Variants in MRPL39 observed in about 807,000 individuals in gnomAD.
The protein encoded by MRPL39 is mitochondrial ribosomal protein L39.
Under a neutral mutation model 44.5 loss-of-function variants are expected in MRPL39, and 35 were observed. The ratio of observed to expected loss-of-function variants is 0.79; its 90% CI spans 0.60 to 1.04. The LOEUF (loss-of-function observed/expected upper bound fraction) is 1.04. Ranked by LOEUF, MRPL39 falls within the 50% of genes least tolerant of loss-of-function variation. The pLI, the probability that MRPL39 is intolerant of heterozygous loss-of-function variation, is 0.00. For missense variants in MRPL39, 433 were observed against 413.5 expected (o/e 1.05, Z -0.41); for synonymous variants, 139 against 136.1 (o/e 1.02, Z -0.15).
intron 5 of MRPL39, among the ~76,000 whole-genome samples, 200 bp from the exon 6 acceptor site, chr21:25,597,614 G>A (rs141250335): frequency 1.2e-3 from 184 of 152,248 alleles, no homozygotes; most frequent in African/African-American, 4.3e-3. Flanking sequence ...TTATTTACCT[G>A]TAATTAAGGT....
At chr21:25,605,481 G>A (rs532428058) in intron 2 of MRPL39, among the ~76,000 whole-genome samples, 108 of 152,236 alleles carry the variant, frequency 7.1e-4, no homozygotes, top group African/African-American at 2.4e-3. Context: ...GTGGAAAGCA[G>A]ATGATAGATT....
chr21:25,587,937 A>G (rs1050434730), intron 9 of MRPL39: 6 of 646,288 alleles, frequency 9.3e-6, no homozygotes, highest in Non-Finnish European at 1.7e-5. Flanking sequence ...CAGATTACAC[A>G]GGACAGCTAT....
intron 2 of MRPL39, 74 bp from the exon 3 acceptor site, chr21:25,604,009 G>T: frequency 7.3e-7 from 1 of 1,369,252 alleles, no homozygotes; most frequent in Non-Finnish European, 1.0e-6. Context: ...GCTATATTTA[G>T]AAATATAACA....
intron 2 of MRPL39, among the ~76,000 whole-genome samples, chr21:25,604,694 T>G (rs4816257): frequency 0.081 from 12,262 of 152,220 alleles, 1,217 homozygotes; most frequent in African/African-American, 0.22. Flanking sequence ...TGTTCTGCAA[T>G]TACACAGCTA....
intron 6 of MRPL39, 47 bp from the exon 7 acceptor site, chr21:25,594,005 A>G (rs13048408): frequency 0.68 from 1,042,349 of 1,523,324 alleles, 372,947 homozygotes; most frequent in Non-Finnish European, 0.75. Context: ...CAAAATATGT[A>G]AAAAGGTGTT....
At chr21:25,596,092 G>A (rs2031347727) in intron 6 of MRPL39, among the ~76,000 whole-genome samples, 1 of 152,040 alleles carries the variant, frequency 6.6e-6, no homozygotes, top group Non-Finnish European at 1.5e-5. Context: ...TGAGTGCGAT[G>A]AGTAAAAATT....
In MRPL39 at chr21:25,603,922, C is replaced by T. The variant is rs762562232; in HGVS notation, c.294G>A (p.Trp98Ter). Residue 98 changes from tryptophan (W) to a stop codon, truncating the protein, a stop_gained, in exon 3 of 10, where the codon TGG (tryptophan) becomes TGA (stop). Transcript: ENST00000352957. LOFTEE classifies it high-confidence loss of function. ...GAGCCAGAATGGACTTCCTGCAATA[C>T]CACTCGCTTAAATCTAGAAATTTAA... ...PYSCAMHLSE[W>*]YCRKSILALV... 19 of 1,607,798 alleles carry T rather than the reference C, an allele frequency of 1.2e-5. No individual in the cohort carries two copies. The highest frequency in any genetic ancestry group is 2.2e-5 in the South Asian group (2 of 89,524).
rs1243972936 is a variant in MRPL39 at position 25,606,465 on chromosome 21, G to T, written c.264C>A (p.Pro88=). 6 of 1,609,010 alleles carry T rather than the reference G, an allele frequency of 3.7e-6. No homozygotes were observed. The highest frequency in any genetic ancestry group is 5.1e-6 in the Non-Finnish European group (6 of 1,177,380). Residue 88 remains proline (P), a synonymous_variant, in exon 2 of 10, where the codon CCC becomes CCA. Transcript: ENST00000352957. ...VFVMNKNIST[P]YSCAMHLSEW... is the part of the protein sequence containing the mutation. ...GCTACTTACGCATGGCACAACTGTAGGGAGTTGAAATGTTTTTATTCATCA... is the reference window on the plus strand; with the variant it reads ...GCTACTTACGCATGGCACAACTGTATGGAGTTGAAATGTTTTTATTCATCA...
At position 25,590,203 on chromosome 21, in the gene MRPL39, A is replaced by G. The variant is rs560934147; in HGVS notation, c.922-1321T>C. ...ATATGTTTCAGAGTTAAAAGTTGAAAGGACTTGCGGATGGATGGGCTGGGG... is the reference window on the plus strand; with the variant it reads ...ATATGTTTCAGAGTTAAAAGTTGAAGGGACTTGCGGATGGATGGGCTGGGG... On this transcript the variant is annotated intron_variant, in intron 8 of 9. Transcript: ENST00000352957. Among the ~76,000 whole-genome samples the G allele has an allele frequency of 2.0e-5, 3 of 152,314 alleles. No individual in the cohort carries two copies. In the South Asian group the frequency reaches 6.2e-4, roughly 32 times the overall value.
intron 8 of MRPL39, among the ~76,000 whole-genome samples, chr21:25,591,742 T>C (rs1465627756): frequency 6.6e-6 from 1 of 152,142 alleles, no homozygotes; most frequent in South Asian, 2.1e-4. Flanking sequence ...TGTAAAATGG[T>C]ACCGTCACTC....
intron 6 of MRPL39, among the ~76,000 whole-genome samples, chr21:25,594,748 TC>T (rs1568862406): frequency 6.6e-6 from 1 of 152,118 alleles, no homozygotes; most frequent in Non-Finnish European, 1.5e-5. Context: ...TCTACCTACC[TC>T]TTCTGACCAC....
chr21:25,598,520 T>G (rs1308505470), intron 5 of MRPL39, among the ~76,000 whole-genome samples: 1 of 151,662 alleles, frequency 6.6e-6, no homozygotes, highest in Non-Finnish European at 1.5e-5. Context: ...TGACCTCAGT[T>G]TTTACCTAAC....
intron 6 of MRPL39, among the ~76,000 whole-genome samples, chr21:25,594,864 A>C (rs1041486802): frequency 1.3e-5 from 2 of 152,124 alleles, no homozygotes; most frequent in African/African-American, 4.8e-5. Flanking sequence ...TTCCCCGCCC[A>C]AACTTGTTCT....
rs752274583 is a variant in MRPL39, at chr21:25,607,443, C to T, written c.33G>A (p.Leu11=). The change falls in exon 1 of 10, where the codon CTG becomes CTA. Residue 11 remains leucine (L), a synonymous_variant. Transcript: ENST00000352957. The part of the protein sequence containing the change: MEALAMGSRA[L]RLWLVAPGGG... ...CACCGGGTGCGACCAGCCAGAGCCG[C>T]AGCGCCCGGGAACCCATGGCCAGCG... The T allele has an allele frequency of 6.2e-7, 1 of 1,613,276 alleles. No homozygotes were observed. Among genetic ancestry groups the T allele is most frequent in the East Asian group, 2.2e-5 (1 of 44,872 alleles).
In MRPL39 at chr21:25,593,974, G is replaced by GA. The variant is rs1225205521; in HGVS notation, c.702-17dup. On this transcript the variant is annotated splice_polypyrimidine_tract_variant and intron_variant, in intron 6 of 9. Transcript: ENST00000352957. The stretch of plus-strand genomic sequence containing the variant: ...TACTTTGTACCTGAAAAGCAGCAAA[G>GA]AAAAAAACATTTTTTTAACTCAAAA... 3 of 1,606,496 alleles carry GA rather than the reference G, an allele frequency of 1.9e-6. No homozygotes were observed. The highest frequency in any genetic ancestry group is 2.6e-6 in the Non-Finnish European group (3 of 1,176,252).
chr21:25,589,018 G>C, intron 8 of MRPL39, 136 bp from the exon 9 acceptor site: 1 of 697,204 alleles, frequency 1.4e-6, no homozygotes, highest in South Asian at 2.3e-5. Context: ...GGTTATAAAA[G>C]TGGATCATAG....
chr21:25,591,975 T>C (rs2031191994), intron 8 of MRPL39, among the ~76,000 whole-genome samples: 2 of 152,192 alleles, frequency 1.3e-5, no homozygotes, highest in Non-Finnish European at 1.5e-5. Context: ...TAATACTACT[T>C]AGCAATAAGA....
intron 6 of MRPL39, among the ~76,000 whole-genome samples, chr21:25,594,670 C>A (rs2031300312): frequency 6.6e-6 from 1 of 152,122 alleles, no homozygotes; most frequent in Admixed American, 6.5e-5. Flanking sequence ...TCACGCTAAG[C>A]ATCCTCCCTA....
At chr21:25,594,663 C>T (rs908218234) in intron 6 of MRPL39, among the ~76,000 whole-genome samples, 4 of 152,104 alleles carry the variant, frequency 2.6e-5, no homozygotes, top group East Asian at 3.8e-4. Context: ...CCTCTTTTCA[C>T]GCTAAGCATC....
Sources: gnomAD v4.1 joint callset for allele counts (sites outside exome capture counted in the v4.1 genomes callset) on GRCh38, gnomAD v4.1.1 for gene constraint, MANE v1.5 for transcripts, NCBI Gene and HGNC (gene_info 2026-07-23, HGNC 2026-07-21) for gene names.